The following LIN7A variants were observed in gnomAD, a reference collection of about 807,000 sequenced individuals.
LIN7A encodes the protein lin-7 cell polarity scaffold A, also known as protein lin-7 homolog A.
In LIN7A, 25 loss-of-function variants were observed where a neutral mutation model predicts 29.8. The observed-to-expected ratio is 0.84, with a 90% CI of 0.61 to 1.17. The LOEUF (loss-of-function observed/expected upper bound fraction) is 1.17. LIN7A is among the 50% of genes most tolerant of loss of function. The pLI is 0.00. For missense variants in LIN7A, 239 were observed against 287.0 expected, an observed-to-expected ratio of 0.83 and a Z score of 1.21; for synonymous variants, 118 against 107.5, an observed-to-expected ratio of 1.10 and a Z score of -0.60.
intron 1 of LIN7A, among the ~76,000 whole-genome samples, chr12:80,936,185 C>A (rs1046381692): frequency 6.6e-6 from 1 of 152,178 alleles, no homozygotes; most frequent in Non-Finnish European, 1.5e-5. Context: ...TGGGTAAAAT[C>A]ATGGATTATA....
intron 4 of LIN7A, among the ~76,000 whole-genome samples, chr12:80,816,428 A>G (rs568910010): frequency 4.6e-5 from 7 of 151,810 alleles, no homozygotes; most frequent in African/African-American, 1.7e-4. Context: ...AAAAGTGTAT[A>G]TATACACACT....
chr12:80,877,469 C>T (rs1874769670), intron 2 of LIN7A, among the ~76,000 whole-genome samples: 1 of 151,754 alleles, frequency 6.6e-6, no homozygotes, highest in South Asian at 2.1e-4. Flanking sequence ...ACATTTTAAA[C>T]AAATAAAATT....
At chr12:80,802,472 G>T (rs1870767890) in intron 5 of LIN7A, among the ~76,000 whole-genome samples, 1 of 152,024 alleles carries the variant, frequency 6.6e-6, no homozygotes, top group African/African-American at 2.4e-5. Flanking sequence ...AATTCATTTG[G>T]ATATATCCCC....
chr12:80,835,411 A>G (rs188518344), intron 4 of LIN7A, among the ~76,000 whole-genome samples: 4 of 152,280 alleles, frequency 2.6e-5, no homozygotes, highest in Admixed American at 2.6e-4. Context: ...AAAAATTCCA[A>G]TGACTTGCCC....
chr12:80,825,190 C>T (rs1185234530), intron 4 of LIN7A, among the ~76,000 whole-genome samples: 1 of 151,982 alleles, frequency 6.6e-6, no homozygotes, highest in Non-Finnish European at 1.5e-5. Flanking sequence ...GCGTCATTGC[C>T]AGCATGAAGA....
chr12:80,890,862 A>C (rs1452046166), intron 1 of LIN7A, among the ~76,000 whole-genome samples: 1 of 152,090 alleles, frequency 6.6e-6, no homozygotes, highest in Non-Finnish European at 1.5e-5. Context: ...GCACTACTGG[A>C]CTCCAGCCTA....
At chr12:80,799,568 A>G (rs1870616533) in intron 5 of LIN7A, among the ~76,000 whole-genome samples, 1 of 151,740 alleles carries the variant, frequency 6.6e-6, no homozygotes, top group Admixed American at 6.6e-5. Flanking sequence ...TGAGTCAAAG[A>G]AAAAAAATCA....
At chr12:80,913,669 A>G (rs1316448256) in intron 1 of LIN7A, among the ~76,000 whole-genome samples, 1 of 152,214 alleles carries the variant, frequency 6.6e-6, no homozygotes, top group African/African-American at 2.4e-5. Context: ...CATAGCGAAT[A>G]CATATGCTGT....
At chr12:80,926,465 A>G (rs887260545) in intron 1 of LIN7A, among the ~76,000 whole-genome samples, 17 of 152,180 alleles carry the variant, frequency 1.1e-4, no homozygotes, top group South Asian at 2.1e-4. Flanking sequence ...ATTTGTGCAT[A>G]TGAAAGGTTG....
intron 5 of LIN7A, among the ~76,000 whole-genome samples, chr12:80,803,460 T>C (rs1396281533): frequency 1.3e-5 from 2 of 152,204 alleles, no homozygotes; most frequent in African/African-American, 2.4e-5. Context: ...TATTTCTGGG[T>C]TCTCTAGCTT....
intron 2 of LIN7A, among the ~76,000 whole-genome samples, chr12:80,881,323 A>G (rs2120584380): frequency 6.6e-6 from 1 of 152,354 alleles, no homozygotes; most frequent in Admixed American, 6.5e-5. Flanking sequence ...TGTAGGAGCC[A>G]TCAGCTTTCT....
Position 80,845,741 on chromosome 12 carries a change from C to CT in LIN7A, c.471dup (p.Val158SerfsTer12). ...TTTTATAAACATACCACTCCGTTCA[C>CT]TGATAGCAGCTGGTCTCCTCTTTTG... On this transcript the variant is annotated frameshift_variant, in exon 4 of 6. Transcript: ENST00000552864. LOFTEE classifies it high-confidence loss of function. 1 of 1,612,932 alleles carries CT rather than the reference C, an allele frequency of 6.2e-7. No individual in the cohort carries two copies. The highest frequency in any genetic ancestry group is 2.2e-5 in the East Asian group (1 of 44,832).
At chr12:80,882,567 A>C (rs1875115476) in intron 2 of LIN7A, among the ~76,000 whole-genome samples, 1 of 151,978 alleles carries the variant, frequency 6.6e-6, no homozygotes, top group Non-Finnish European at 1.5e-5. Flanking sequence ...TACAGGCGTG[A>C]GCCACCGCGC....
intron 4 of LIN7A, among the ~76,000 whole-genome samples, chr12:80,833,880 T>G (rs1872491767): frequency 2.0e-5 from 3 of 152,166 alleles, no homozygotes. Context: ...CTGTCCACAG[T>G]ACCAAATGGC....
chr12:80,895,883 C>T (rs1298526457), intron 1 of LIN7A, among the ~76,000 whole-genome samples: 1 of 152,168 alleles, frequency 6.6e-6, no homozygotes, highest in Non-Finnish European at 1.5e-5. Flanking sequence ...GCCTAATGTC[C>T]TCACTGAGCT....
chr12:80,845,453 T>C (rs1873027002), intron 4 of LIN7A: 1 of 325,684 alleles, frequency 3.1e-6, no homozygotes. Flanking sequence ...TTGTAAATGT[T>C]ACTTGGAGTA....
At chr12:80,890,190 A>G (rs1038925313) in intron 1 of LIN7A, among the ~76,000 whole-genome samples, 1 of 152,200 alleles carries the variant, frequency 6.6e-6, no homozygotes, top group African/African-American at 2.4e-5. Flanking sequence ...AATTCCCTGG[A>G]TTATTTCATA....
At chr12:80,816,430 A>G (rs946618354) in intron 4 of LIN7A, among the ~76,000 whole-genome samples, 1 of 151,804 alleles carries the variant, frequency 6.6e-6, no homozygotes, top group Non-Finnish European at 1.5e-5. Context: ...AAGTGTATAT[A>G]TACACACTCA....
At chr12:80,810,764 C>G (rs1009322103) in intron 5 of LIN7A, among the ~76,000 whole-genome samples, 1 of 152,146 alleles carries the variant, frequency 6.6e-6, no homozygotes, top group Non-Finnish European at 1.5e-5. Context: ...TATCTTTCCT[C>G]TTTTTGATAA....
Sources: gnomAD v4.1 joint callset for allele counts (sites outside exome capture counted in the v4.1 genomes callset) on GRCh38, gnomAD v4.1.1 for gene constraint, MANE v1.5 for transcripts, NCBI Gene and HGNC (gene_info 2026-07-23, HGNC 2026-07-21) for gene names.